Variants in ACSL6 observed in about 807,000 individuals in gnomAD.
ACSL6 encodes the protein long-chain-fatty-acid--CoA ligase 6.
A neutral mutation model predicts 98.2 loss-of-function variants in ACSL6; 47 were observed. The ratio of observed to expected loss-of-function variants is 0.48; its 90% CI spans 0.38 to 0.61. The LOEUF is 0.61. Ranked by LOEUF, ACSL6 falls within the 20% of genes least tolerant of loss-of-function variation. The pLI is 0.00. For synonymous variants in ACSL6, 362 were observed against 336.9 expected (o/e 1.07, Z -0.82); for missense variants, 761 against 913.4 (o/e 0.83, Z 2.15).
chr5:131,984,350 C>G (rs1012877340), intron 9 of ACSL6: 1 of 152,242 alleles, frequency 6.6e-6, no homozygotes, highest in Non-Finnish European at 1.5e-5. Context: ...ATGCAGAGCC[C>G]CAGTTCACTG....
chr5:131,954,986 G>A (rs1240020914), intron 20 of ACSL6, among the ~76,000 whole-genome samples: 1 of 152,076 alleles, frequency 6.6e-6, no homozygotes, highest in African/African-American at 2.4e-5. Flanking sequence ...AAGCTAAAGT[G>A]GTAGATGAGC....
intron 10 of ACSL6, chr5:131,975,858 T>C: frequency 5.1e-6 from 5 of 985,492 alleles, no homozygotes; most frequent in Non-Finnish European, 4.8e-6. Flanking sequence ...TTGGGCCAGC[T>C]TGGGCAAACC....
At chr5:131,956,589 A>G (rs573785784) in intron 20 of ACSL6, among the ~76,000 whole-genome samples, 91 of 152,316 alleles carry the variant, frequency 6.0e-4, no homozygotes, top group African/African-American at 2.2e-3. Context: ...GAAAATACCT[A>G]TACAACCTGC....
At chr5:131,979,474 C>T (rs1232029681) in intron 9 of ACSL6, among the ~76,000 whole-genome samples, 1 of 152,204 alleles carries the variant, frequency 6.6e-6, no homozygotes, top group Non-Finnish European at 1.5e-5. Context: ...AGCCAAAACA[C>T]GTACAACAGC....
chr5:132,004,932 C>G (rs1755317592), intron 1 of ACSL6, among the ~76,000 whole-genome samples: 2 of 152,104 alleles, frequency 1.3e-5, no homozygotes, highest in African/African-American at 4.8e-5. Flanking sequence ...CCTAGATCAC[C>G]TGAGGTCAGG....
At chr5:131,985,513 C>T (rs1223071099) in intron 8 of ACSL6, 55 bp from the exon 9 acceptor site, 4 of 1,600,556 alleles carry the variant, frequency 2.5e-6, no homozygotes, top group South Asian at 1.1e-5. Flanking sequence ...CCAGCCAGGG[C>T]CCAAGATGCC....
rs1297009502 is a variant in ACSL6, at chr5:131,975,614, C to T, written c.991-644G>A. 4.1e-6 allele frequency: 4 copies of T among 984,982 alleles called. No individual in the cohort carries two copies. In the African/African-American group the frequency reaches 7.0e-5, roughly 17 times the overall value. 61.0% of individuals were successfully genotyped at this position (984,982 alleles called of 1,614,324 possible). On this transcript the variant is annotated intron_variant, in intron 10 of 20. Transcript: ENST00000651883. ...TGGCCTCACAAGCCATCCCTGGAAC[C>T]AGGGCCTTAAAGAGGAATGCTGACA...
chr5:132,011,596 ACCCGCAGC>A lies in ACSL6; in HGVS notation c.-51_-44del, dbSNP rs530434520. On this transcript the variant is annotated 5_prime_UTR_variant, in exon 1 of 21. Transcript: ENST00000651883. The surrounding 1 kb of genome is among the most constrained non-coding windows in gnomAD (Gnocchi z 5.4). Reference sequence around the variant, plus strand: ...GGCCCGGCCCGGCCCGGCCTCCCCGACCCGCAGCCCCGCAGCCCCGCAGCCCAGCAGCC... The same window carrying A: ...GGCCCGGCCCGGCCCGGCCTCCCCGACCCGCAGCCCCGCAGCCCAGCAGCC... 6 of 1,459,950 alleles carry A rather than the reference ACCCGCAGC, an allele frequency of 4.1e-6. No homozygotes were observed. Among genetic ancestry groups the A allele is most frequent in the African/African-American group, 1.5e-5 (1 of 66,728 alleles). 90.4% of individuals were successfully genotyped at this position (1,459,950 alleles called of 1,614,324 possible). A position where few individuals can be genotyped will look rare whatever the true frequency, so the allele number is the denominator to read the frequency against.
chr5:131,999,285 G>T (rs1754947730), intron 1 of ACSL6: 1 of 152,286 alleles, frequency 6.6e-6, no homozygotes, highest in Non-Finnish European at 1.5e-5. Flanking sequence ...TGGACAGAGA[G>T]TGCAGTGCCA....
Position 131,986,812 on chromosome 5 carries a change from A to G in ACSL6, c.864+10T>C. The G allele has an allele frequency of 2.5e-6, 4 of 1,614,222 alleles. No homozygotes were observed. Among genetic ancestry groups the G allele is most frequent in the East Asian group, 2.2e-5 (1 of 44,884 alleles). Reference sequence around the variant, plus strand: ...TCGCTCAATAAAGACCTGCAGGTGAATTCGCTTACCACAGGAGCCTGGTGA... The same window carrying G: ...TCGCTCAATAAAGACCTGCAGGTGAGTTCGCTTACCACAGGAGCCTGGTGA... On this transcript the variant is annotated intron_variant, in intron 8 of 20. Transcript: ENST00000651883.
intron 1 of ACSL6, among the ~76,000 whole-genome samples, chr5:132,002,100 T>A (rs531066554): frequency 2.0e-5 from 3 of 151,994 alleles, no homozygotes; most frequent in African/African-American, 7.2e-5. Flanking sequence ...TGTGGACGAG[T>A]TCAGATCCTT....
intron 6 of ACSL6, chr5:131,988,465 C>A (rs1307977648): frequency 2.8e-5 from 42 of 1,523,388 alleles, no homozygotes; most frequent in Non-Finnish European, 3.6e-5. Context: ...CCCTTTGTTC[C>A]AGGCTCTGCC....
In ACSL6 at chr5:131,988,165, C is replaced by T; in HGVS notation, c.714G>A (p.Val238=). The change falls in exon 7 of 21, where the codon GTG becomes GTA. Residue 238 remains valine (V), a synonymous_variant. Transcript: ENST00000651883. Reference sequence around the variant, plus strand: ...TGAGGCCTGGAGTCTCCTTCCTCTCCACATGCTCTAGCAGAAGCACAGCCT... The same window carrying T: ...TGAGGCCTGGAGTCTCCTTCCTCTCTACATGCTCTAGCAGAAGCACAGCCT... The part of the protein sequence containing the change: ...PQKAVLLLEH[V]ERKETPGLKL... The T allele has an allele frequency of 6.2e-7, 1 of 1,614,196 alleles. No homozygotes were observed. Among genetic ancestry groups the T allele is most frequent in the South Asian group, 1.1e-5 (1 of 91,084 alleles).
Position 131,973,398 on chromosome 5 carries a change from A to C in ACSL6, c.1071T>G (p.Ser357=). The C allele has an allele frequency of 6.2e-7, 1 of 1,614,022 alleles. No homozygotes were observed. Among genetic ancestry groups the C allele is most frequent in the East Asian group, 2.2e-5 (1 of 44,872 alleles). The part of the protein sequence containing the change: ...LAHMFERVIQ[S]VVYCHGGRVG... ...CACGCCCTCCGTGGCAATAGACGAC[A>C]GACTAGAAAGACAGGACAGGAAGGG... The change falls in exon 12 of 21, where the codon TCT becomes TCG. Residue 357 remains serine (S), a splice_region_variant and synonymous_variant. Transcript: ENST00000651883.
At chr5:132,011,744 G>A, upstream of ACSL6, 2 of 1,299,370 alleles carry the variant, frequency 1.5e-6, no homozygotes, top group Non-Finnish European at 2.0e-6. The surrounding 1 kb of genome is among the most constrained non-coding windows in gnomAD (Gnocchi z 5.4). Flanking sequence ...GGGAGGGCGC[G>A]GCGCGCACTC....
At position 131,989,440 on chromosome 5, in the gene ACSL6, C is replaced by T. The variant is rs1754383332; in HGVS notation, c.519G>A (p.Gln173=). The change falls in exon 5 of 21, where the codon CAG becomes CAA. Residue 173 remains glutamine, a synonymous_variant. Coordinates refer to ENST00000651883, the MANE Select transcript of ACSL6 (RefSeq NM_001009185.3). ...LQHNCKACTD[Q]FIGVFAQNRP... ...GATTTTGTGCAAAAACACCAATAAACTGATCAGTGCATGCTTTACAATTGT... is the reference window on the plus strand; with the variant it reads ...GATTTTGTGCAAAAACACCAATAAATTGATCAGTGCATGCTTTACAATTGT... 1 of 1,614,104 alleles carries T rather than the reference C, an allele frequency of 6.2e-7. No homozygotes were observed. The highest frequency in any genetic ancestry group is 2.2e-5 in the East Asian group (1 of 44,884).
chr5:131,990,741 T>C (rs1400487436), intron 3 of ACSL6, 112 bp downstream of exon 3: 5 of 948,704 alleles, frequency 5.3e-6, no homozygotes, highest in Non-Finnish European at 8.2e-6. Flanking sequence ...CCACTGAACC[T>C]GGGGATAGCT....
rs759089974 is a variant in ACSL6 at position 131,990,862 on chromosome 5, T to C, written c.376A>G (p.Ser126Gly). 6.2e-7 allele frequency: 1 copy of C among 1,610,182 alleles called. No individual in the cohort carries two copies. The highest frequency in any genetic ancestry group is 8.5e-7 in the Non-Finnish European group (1 of 1,178,216). Reference sequence around the variant, plus strand: ...CCACAACCCTTCTCACCTGAGATGCTAAGCCCACGGCGGAACACCTGGTAC... The same window carrying C: ...CCACAACCCTTCTCACCTGAGATGCCAAGCCCACGGCGGAACACCTGGTAC... ...TMYQVFRRGL[S>G]ISGNGPCLGF... The change falls in exon 3 of 21, where the codon AGC becomes GGC. Residue 126 changes from serine (S) to glycine (G), a missense_variant. Ser to Gly is a moderately conservative substitution (Grantham distance 56). Transcript: ENST00000651883.
upstream of ACSL6, chr5:132,011,942 G>C (rs762826319): frequency 1.3e-6 from 2 of 1,549,894 alleles, no homozygotes; most frequent in African/African-American, 1.4e-5. This position sits in a 1 kb window ranked among gnomAD's most constrained non-coding sequence, Gnocchi z 5.4. Context: ...CGGCTGGAAG[G>C]GGGAGCACGG....
Sources: allele counts gnomAD v4.1 joint callset (sites outside exome capture counted in the v4.1 genomes callset), GRCh38; gene constraint gnomAD v4.1.1; non-coding constraint Gnocchi (gnomAD v3.1); transcripts MANE v1.5; gene names NCBI Gene and HGNC (gene_info 2026-07-23, HGNC 2026-07-21).